Variants in EBF3 observed in about 807,000 individuals in gnomAD.
EBF3 encodes EBF transcription factor 3.
Under a neutral mutation model 77.1 loss-of-function variants are expected in EBF3, and 18 were observed. That is an observed-to-expected ratio of 0.23 (90% CI 0.16 to 0.35). The LOEUF (loss-of-function observed/expected upper bound fraction) is 0.35. EBF3 is among the 10% of genes least tolerant of loss of function. EBF3 has a pLI of 1.00. For missense variants in EBF3, 558 were observed against 860.0 expected (o/e 0.65, Z 4.39); for synonymous variants, 350 against 343.5 (o/e 1.02, Z -0.21).
intron 6 of EBF3, among the ~76,000 whole-genome samples, chr10:129,906,766 G>A (rs529785034): frequency 1.3e-5 from 2 of 150,154 alleles, no homozygotes; most frequent in South Asian, 2.1e-4. Context: ...TTTTTTTTTC[G>A]ATTCTGTCAA....
intron 6 of EBF3, among the ~76,000 whole-genome samples, chr10:129,918,318 C>T (rs1386324435): frequency 1.3e-5 from 2 of 152,204 alleles, no homozygotes; most frequent in African/African-American, 2.4e-5. Context: ...GTCTCATTCT[C>T]CATGCCCCAC....
At chr10:129,882,683 G>T (rs932672325) in intron 6 of EBF3, among the ~76,000 whole-genome samples, 8 of 152,250 alleles carry the variant, frequency 5.3e-5, no homozygotes, top group Admixed American at 4.6e-4. Context: ...ATTACATAAG[G>T]AATGAATTTG....
intron 6 of EBF3, among the ~76,000 whole-genome samples, chr10:129,892,800 C>T (rs547074696): frequency 5.9e-5 from 9 of 152,354 alleles, no homozygotes; most frequent in East Asian, 1.9e-4. Context: ...CACATCGAAA[C>T]GAGGCATAAC....
intron 6 of EBF3, among the ~76,000 whole-genome samples, chr10:129,948,048 G>A (rs1270573551): frequency 6.6e-6 from 1 of 152,044 alleles, no homozygotes; most frequent in Admixed American, 6.6e-5. Flanking sequence ...CCTGAGGTCA[G>A]GAGTTCGAGA....
intron 4 of EBF3, among the ~76,000 whole-genome samples, chr10:129,960,171 T>A (rs1859393231): frequency 6.6e-6 from 1 of 150,860 alleles, no homozygotes; most frequent in Non-Finnish European, 1.5e-5. Flanking sequence ...GAGCTCCAAG[T>A]TCCCTGCATA....
intron 6 of EBF3, among the ~76,000 whole-genome samples, chr10:129,927,987 C>T (rs1166510223): frequency 6.6e-6 from 1 of 152,208 alleles, no homozygotes; most frequent in Non-Finnish European, 1.5e-5. Context: ...CTGGTGCTGG[C>T]TTCTCCAGGC....
intron 6 of EBF3, among the ~76,000 whole-genome samples, chr10:129,940,282 C>T (rs575134903): frequency 1.3e-5 from 2 of 152,262 alleles, no homozygotes; most frequent in East Asian, 3.9e-4. Context: ...AAACCCCACG[C>T]ATTTCAAGAA....
chr10:129,929,836 T>C (rs912732653), intron 6 of EBF3, among the ~76,000 whole-genome samples: 1 of 152,216 alleles, frequency 6.6e-6, no homozygotes, highest in Admixed American at 6.5e-5. Context: ...TTGTTTTAGG[T>C]GTCAACATGA....
In EBF3 at chr10:129,885,496, C is replaced by A. The variant is rs11017001; in HGVS notation, c.555-7647G>T. ...ATAGTTTTGATAAGGTTATCTGTTT[C>A]AAAGAAGTCAACTGCACAACACAAA... On this transcript the variant is annotated intron_variant, in intron 6 of 16. Transcript: ENST00000440978. This position sits in a 1 kb window ranked among gnomAD's most constrained non-coding sequence, Gnocchi z 4.0. Among the ~76,000 whole-genome samples, 58,199 of 151,968 alleles carry A rather than the reference C, an allele frequency of 0.38. 11,629 individuals carry two copies. Among genetic ancestry groups the A allele is most frequent in the African/African-American group, 0.5 (20,681 of 41,418 alleles).
rs1858289693 is a variant in EBF3 at position 129,947,139 on chromosome 10, TG to T, written c.554+10118del. On this transcript the variant is annotated intron_variant, in intron 6 of 16. Transcript: ENST00000440978. This position sits in a 1 kb window ranked among gnomAD's most constrained non-coding sequence, Gnocchi z 4.5. ...AGCCGCTTCATTGAGAAAATGGAAA[TG>T]GACAGGGAGCTCCCTTTGGCAGCAT... 6.6e-6 allele frequency among the ~76,000 whole-genome samples: 1 copy of T among 152,160 alleles called. No homozygotes were observed. Among genetic ancestry groups the T allele is most frequent in the African/African-American group, 2.4e-5 (1 of 41,414 alleles).
chr10:129,838,020 G>T, intron 16 of EBF3, 60 bp from the exon 17 acceptor site: 1 of 1,604,268 alleles, frequency 6.2e-7, no homozygotes, highest in Non-Finnish European at 8.5e-7. Flanking sequence ...TCCCGCCAAC[G>T]CTGACGCGGG....
intron 6 of EBF3, among the ~76,000 whole-genome samples, chr10:129,883,389 A>G (rs1230147514): frequency 6.6e-6 from 1 of 152,216 alleles, no homozygotes; most frequent in Non-Finnish European, 1.5e-5. Context: ...GCGGCCCTCA[A>G]TGATGGGTAA....
rs139403385 is a variant in EBF3 at position 129,862,762 on chromosome 10, C to T, written c.1039+4379G>A. On this transcript the variant is annotated intron_variant, in intron 10 of 16. Coordinates refer to ENST00000440978, the MANE Select transcript of EBF3 (RefSeq NM_001375380.1). ...TAACATAATTTCAATTAGATGCATACAAATTCCAATCTGTCTTAATCAAAT... is the reference window on the plus strand; with the variant it reads ...TAACATAATTTCAATTAGATGCATATAAATTCCAATCTGTCTTAATCAAAT... Among the ~76,000 whole-genome samples the T allele has an allele frequency of 8.0e-3, 1,218 of 152,268 alleles. 16 individuals carry two copies. Among genetic ancestry groups the T allele is most frequent in the African/African-American group, 0.026 (1,069 of 41,540 alleles).
chr10:129,956,182 T>TA (rs1236659485), intron 6 of EBF3, among the ~76,000 whole-genome samples: 1 of 152,230 alleles, frequency 6.6e-6, no homozygotes, highest in Non-Finnish European at 1.5e-5. Context: ...TGGTGGCGCA[T>TA]ATTTCTTTAG....
intron 6 of EBF3, among the ~76,000 whole-genome samples, chr10:129,915,721 G>A (rs896489547): frequency 5.9e-5 from 9 of 152,164 alleles, no homozygotes; most frequent in East Asian, 1.9e-4. Flanking sequence ...ACACATTCCC[G>A]CATGGCACCA....
At position 129,897,784 on chromosome 10, in the gene EBF3, T is replaced by C. The variant is rs567655291; in HGVS notation, c.555-19935A>G. On this transcript the variant is annotated intron_variant, in intron 6 of 16. Transcript: ENST00000440978. This position sits in a 1 kb window ranked among gnomAD's most constrained non-coding sequence, Gnocchi z 4.6. ...AGTTTCTTGAAATGACATCTTACTT[T>C]CCTACATTTATCGTGACGGGGCCAC... Among the ~76,000 whole-genome samples, 4 of 152,300 alleles carry C rather than the reference T, an allele frequency of 2.6e-5. No homozygotes were observed. Among genetic ancestry groups the C allele is most frequent in the South Asian group, 2.1e-4 (1 of 4,816 alleles).
intron 6 of EBF3, among the ~76,000 whole-genome samples, chr10:129,955,815 C>T (rs188995519): frequency 3.3e-4 from 50 of 152,304 alleles, no homozygotes; most frequent in African/African-American, 1.2e-3. Context: ...GAAACACTTT[C>T]GCAATCCTTC....
chr10:129,947,683 T>A lies in EBF3; in HGVS notation c.554+9575A>T. On this transcript the variant is annotated intron_variant, in intron 6 of 16. Transcript: ENST00000440978. This position sits in a 1 kb window ranked among gnomAD's most constrained non-coding sequence, Gnocchi z 4.5. ...TTTCTTTGCAAAGGAACCAAATGCT[T>A]TGAAAAAAAAAAAAAAAGAAGGGCA... Among the ~76,000 whole-genome samples, 1 of 149,936 alleles carries A rather than the reference T, an allele frequency of 6.7e-6. No homozygotes were observed. Among genetic ancestry groups the A allele is most frequent in the South Asian group, 2.1e-4 (1 of 4,710 alleles).
At chr10:129,915,501 AAAG>A (rs1855825538) in intron 6 of EBF3, among the ~76,000 whole-genome samples, 1 of 135,934 alleles carries the variant, frequency 7.4e-6, no homozygotes, top group African/African-American at 2.9e-5. Context: ...CACACACAAA[AAAG>A]CCAAGACAAG....
Sources: allele counts gnomAD v4.1 joint callset (sites outside exome capture counted in the v4.1 genomes callset), GRCh38; gene constraint gnomAD v4.1.1; non-coding constraint Gnocchi (gnomAD v3.1); transcripts MANE v1.5; gene names NCBI Gene and HGNC (gene_info 2026-07-23, HGNC 2026-07-21).